The following VPS8 variants were observed in gnomAD, a reference collection of about 807,000 sequenced individuals.
VPS8 encodes the protein VPS8 subunit of CORVET complex, also known as vacuolar protein sorting-associated protein 8 homolog.
VPS8 carries 129 observed loss-of-function variants against 216.4 expected under a neutral mutation model. The ratio of observed to expected loss-of-function variants is 0.60; its 90% CI spans 0.52 to 0.69. VPS8 has a LOEUF of 0.69. VPS8 is among the 30% of genes least tolerant of loss of function. The probability of loss-of-function intolerance (pLI) is 0.00; values close to 1 mark genes in which losing one functional copy is unlikely to be tolerated. For missense variants in VPS8, 1,531 were observed against 1,683.5 expected (o/e 0.91, Z 1.59); for synonymous variants, 571 against 565.4 (o/e 1.01, Z -0.14).
chr3:184,818,227 T>A (rs1716765806), intron 1 of VPS8, among the ~76,000 whole-genome samples: 1 of 152,082 alleles, frequency 6.6e-6, no homozygotes, highest in South Asian at 2.1e-4. Flanking sequence ...GCATTGGGAA[T>A]CTGTTAAAAA....
intron 34 of VPS8, among the ~76,000 whole-genome samples, chr3:184,933,547 G>T (rs1741073220): frequency 6.6e-6 from 1 of 151,738 alleles, no homozygotes; most frequent in Non-Finnish European, 1.5e-5. Flanking sequence ...GTGTGTGTGT[G>T]TTTTTAAGTG....
intron 10 of VPS8, 143 bp downstream of exon 10, chr3:184,850,165 C>T (rs1723982426): frequency 4.6e-6 from 3 of 648,114 alleles, no homozygotes; most frequent in Admixed American, 6.2e-5. Flanking sequence ...ATAGAATCCT[C>T]AACATTGAGC....
chr3:184,990,710 T>C (rs1189909593), intron 42 of VPS8, among the ~76,000 whole-genome samples: 2 of 152,226 alleles, frequency 1.3e-5, no homozygotes, highest in East Asian at 3.9e-4. Context: ...CTTCTGTATC[T>C]AACACTAATC....
At chr3:185,007,774 G>C (rs1754463986) in intron 45 of VPS8, among the ~76,000 whole-genome samples, 1 of 152,020 alleles carries the variant, frequency 6.6e-6, no homozygotes. Context: ...TTTGTCTTTT[G>C]GGGTAAATGT....
rs1561036796 is a variant in VPS8, at chr3:184,996,356, C to G, written c.3691C>G (p.Leu1231Val). Residue 1231 changes from leucine to valine, a missense_variant, in exon 44 of 48, where the codon CTT becomes GTT. Physicochemically the swap from Leu to Val is conservative, Grantham distance 32. Transcript: ENST00000625842. ...GACCCTGCTGGAAACAACAACCAGC[C>G]TTCTAAACCAAGATCTCCATTGGTC... The part of the protein sequence containing the change: ...EQTLLETTTS[L>V]LNQDLHWSLC... 6.2e-7 allele frequency: 1 copy of G among 1,612,456 alleles called. No homozygotes were observed. Among genetic ancestry groups the G allele is most frequent in the East Asian group, 2.2e-5 (1 of 44,868 alleles).
chr3:185,020,697 C>T lies in VPS8; in HGVS notation c.4003-3639C>T, dbSNP rs571863191. Among the ~76,000 whole-genome samples, 8 of 152,260 alleles carry T rather than the reference C, an allele frequency of 5.3e-5. No individual in the cohort carries two copies. In the South Asian group the frequency reaches 1.7e-3, roughly 32 times the overall value. On this transcript the variant is annotated intron_variant, in intron 45 of 47. Transcript: ENST00000625842. ...TGTTACCCAGACTGGTCTCAAATTC[C>T]TAGGCTCAAGCCAACCTCCTTTTGG... is the stretch of plus-strand genomic sequence containing the variant.
At chr3:184,819,356 A>G (rs1475109780) in intron 1 of VPS8, among the ~76,000 whole-genome samples, 2 of 152,202 alleles carry the variant, frequency 1.3e-5, no homozygotes, top group East Asian at 1.9e-4. Context: ...GTTATGTGCA[A>G]GTACTCTCTG....
intron 25 of VPS8, among the ~76,000 whole-genome samples, chr3:184,912,996 C>G (rs1368759992): frequency 6.6e-6 from 1 of 152,142 alleles, no homozygotes; most frequent in Non-Finnish European, 1.5e-5. Flanking sequence ...AGAGAACAGG[C>G]TCGTATCACA....
intron 22 of VPS8, among the ~76,000 whole-genome samples, chr3:184,891,385 G>A (rs940688873): frequency 2.0e-5 from 3 of 152,126 alleles, no homozygotes; most frequent in African/African-American, 7.2e-5. Context: ...GGAACTGGAT[G>A]TTTAAAATTT....
chr3:184,832,570 G>T, intron 3 of VPS8, 119 bp from the exon 4 acceptor site: 1 of 815,890 alleles, frequency 1.2e-6, no homozygotes, highest in Middle Eastern at 3.7e-4. Context: ...AGAATGCATG[G>T]AATAGAGGCG....
intron 31 of VPS8, among the ~76,000 whole-genome samples, chr3:184,927,754 G>T (rs1739928902): frequency 1.3e-5 from 2 of 152,004 alleles, no homozygotes; most frequent in African/African-American, 4.8e-5. Context: ...CTCCTCCCCA[G>T]CCCTTAGTAA....
intron 46 of VPS8, among the ~76,000 whole-genome samples, chr3:185,026,701 CTTT>C (rs1165255623): frequency 1.2e-5 from 1 of 85,964 alleles, no homozygotes; most frequent in Non-Finnish European, 2.3e-5. Context: ...GAGCCACTGT[CTTT>C]TTTTTTTTTT....
intron 42 of VPS8, among the ~76,000 whole-genome samples, chr3:184,988,063 G>A (rs1204579156): frequency 6.6e-6 from 1 of 152,152 alleles, no homozygotes; most frequent in Non-Finnish European, 1.5e-5. Context: ...TTTGGATAAG[G>A]TTCTTTATCA....
chr3:184,942,442 G>C (rs1742891019), intron 36 of VPS8, among the ~76,000 whole-genome samples: 1 of 152,148 alleles, frequency 6.6e-6, no homozygotes, highest in Non-Finnish European at 1.5e-5. Context: ...CTTGAAAAGA[G>C]TCAGCGTGCT....
At chr3:184,893,282 T>C in intron 22 of VPS8, 2 of 1,288,272 alleles carry the variant, frequency 1.6e-6, no homozygotes, top group Non-Finnish European at 2.0e-6. Flanking sequence ...GGAGCTTCCT[T>C]GATGTTTTTG....
chr3:184,829,150 G>A (rs973475993), intron 3 of VPS8, among the ~76,000 whole-genome samples: 1 of 152,108 alleles, frequency 6.6e-6, no homozygotes, highest in Non-Finnish European at 1.5e-5. Context: ...CTGCTGTAAA[G>A]TTTCTTATTA....
intron 42 of VPS8, among the ~76,000 whole-genome samples, chr3:184,989,140 A>G (rs1751529621): frequency 6.6e-6 from 1 of 152,140 alleles, no homozygotes; most frequent in South Asian, 2.1e-4. Context: ...TAGAACTTCC[A>G]GTACAGTGTT....
intron 29 of VPS8, among the ~76,000 whole-genome samples, chr3:184,921,369 G>C (rs1161265826): frequency 6.6e-6 from 1 of 152,126 alleles, no homozygotes; most frequent in East Asian, 1.9e-4. Flanking sequence ...TCCGGCTCCT[G>C]CTATTACCTC....
At chr3:184,996,117 A>T (rs1387840728) in intron 43 of VPS8, among the ~76,000 whole-genome samples, 1 of 152,210 alleles carries the variant, frequency 6.6e-6, no homozygotes, top group Non-Finnish European at 1.5e-5. Context: ...TTTGTAATGT[A>T]TACACTCACC....
Sources: gnomAD v4.1 joint callset for allele counts (sites outside exome capture counted in the v4.1 genomes callset) on GRCh38, gnomAD v4.1.1 for gene constraint, MANE v1.5 for transcripts, NCBI Gene and HGNC (gene_info 2026-07-23, HGNC 2026-07-21) for gene names.